Variants in HSF2BP observed in about 807,000 individuals in gnomAD.
HSF2BP encodes heat shock transcription factor 2 binding protein.
HSF2BP carries 35 observed loss-of-function variants against 35.0 expected under a neutral mutation model. That is an observed-to-expected ratio of 1.00 (90% CI 0.76 to 1.32). HSF2BP has a LOEUF of 1.32. HSF2BP is among the 40% of genes most tolerant of loss of function. The pLI is 0.00. For missense variants in HSF2BP, 326 were observed against 321.7 expected (o/e 1.01, Z -0.10); for synonymous variants, 114 against 117.4 (o/e 0.97, Z 0.18).
At chr21:43,642,795 C>CTT (rs869086487) in intron 4 of HSF2BP, among the ~76,000 whole-genome samples, 14 of 92,082 alleles carry the variant, frequency 1.5e-4, no homozygotes, top group South Asian at 3.8e-4. Flanking sequence ...GGCTTCTTTT[C>CTT]TTTTTTTTTT....
intron 4 of HSF2BP, among the ~76,000 whole-genome samples, chr21:43,635,720 T>C (rs906025570): frequency 6.6e-6 from 1 of 151,940 alleles, no homozygotes; most frequent in African/African-American, 2.4e-5. Flanking sequence ...AGTTCAAGAC[T>C]AGCCTGACCA....
chr21:43,584,188 C>A (rs945396599), intron 8 of HSF2BP, among the ~76,000 whole-genome samples: 3 of 151,758 alleles, frequency 2.0e-5, no homozygotes, highest in African/African-American at 7.3e-5. Context: ...GAGATGAGGA[C>A]CTGCTGAGGG....
chr21:43,604,397 C>A (rs2082092588), intron 7 of HSF2BP, among the ~76,000 whole-genome samples: 1 of 132,212 alleles, frequency 7.6e-6, no homozygotes, highest in African/African-American at 2.9e-5. Flanking sequence ...ACCACACACA[C>A]TACACACACA....
chr21:43,654,256 A>G (rs988783973), intron 3 of HSF2BP, among the ~76,000 whole-genome samples: 5 of 152,214 alleles, frequency 3.3e-5, no homozygotes, highest in Admixed American at 2.0e-4. Context: ...AAATTATACA[A>G]GTAAGAAGAT....
At chr21:43,632,161 TCA>T (rs1306327097) in intron 5 of HSF2BP, among the ~76,000 whole-genome samples, 1 of 39,960 alleles carries the variant, frequency 2.5e-5, no homozygotes, top group Admixed American at 3.1e-4. Context: ...TCACACAGTC[TCA>T]CACACACACG....
intron 8 of HSF2BP, among the ~76,000 whole-genome samples, chr21:43,577,297 T>C (rs2081655597): frequency 6.6e-6 from 1 of 152,228 alleles, no homozygotes; most frequent in African/African-American, 2.4e-5. Flanking sequence ...ATTCTGCATA[T>C]CAATAAATCT....
chr21:43,611,628 C>T (rs2082205764), intron 7 of HSF2BP, among the ~76,000 whole-genome samples: 1 of 152,166 alleles, frequency 6.6e-6, no homozygotes, highest in Non-Finnish European at 1.5e-5. Context: ...TCTAGTGAGG[C>T]TCAAGGAGTG....
chr21:43,467,989 C>CT, the HSF2BP span, among the ~76,000 whole-genome samples: 2 of 103,290 alleles, frequency 1.9e-5, no homozygotes, highest in African/African-American at 8.4e-5. Context: ...ACACACCACA[C>CT]CCACACACAC....
chr21:43,573,312 C>T (rs1012981162), intron 8 of HSF2BP, among the ~76,000 whole-genome samples: 8 of 152,178 alleles, frequency 5.3e-5, no homozygotes, highest in East Asian at 1.9e-4. Context: ...GGGCCCATGG[C>T]GGGGTGTTCC....
chr21:43,598,394 T>TTG (rs1219014275), intron 7 of HSF2BP, among the ~76,000 whole-genome samples: 3 of 150,640 alleles, frequency 2.0e-5, no homozygotes, highest in East Asian at 1.9e-4. Context: ...TTTTTGTTTT[T>TTG]TTTTTTTAGT....
intron 8 of HSF2BP, among the ~76,000 whole-genome samples, chr21:43,572,845 T>C (rs1293753613): frequency 3.3e-5 from 5 of 152,262 alleles, no homozygotes; most frequent in African/African-American, 1.2e-4. Context: ...GTTCTTGGTA[T>C]CTTTGACTTT....
intron 3 of HSF2BP, among the ~76,000 whole-genome samples, chr21:43,647,940 A>AC (rs1275489134): frequency 1.2e-3 from 179 of 145,990 alleles, no homozygotes; most frequent in Middle Eastern, 3.5e-3. Flanking sequence ...AAAAAAAAAA[A>AC]AAAAAAAAAA....
At chr21:43,591,787 G>T (rs1011592400) in intron 8 of HSF2BP, among the ~76,000 whole-genome samples, 1 of 152,176 alleles carries the variant, frequency 6.6e-6, no homozygotes, top group Non-Finnish European at 1.5e-5. Flanking sequence ...TGCGTAGCAT[G>T]ATGAAATCTC....
chr21:43,637,666 T>A (rs901340050), intron 4 of HSF2BP, among the ~76,000 whole-genome samples: 3 of 150,312 alleles, frequency 2.0e-5, no homozygotes, highest in Non-Finnish European at 1.5e-5. Context: ...AAAAAAAAAA[T>A]TAGCTGTATG....
intron 6 of HSF2BP, 93 bp from the exon 7 acceptor site, chr21:43,614,040 T>G (rs1294823203): frequency 1.2e-6 from 1 of 869,476 alleles, no homozygotes; most frequent in Non-Finnish European, 1.8e-6. Flanking sequence ...CTAAAAGACC[T>G]AATGAAAACA....
At chr21:43,580,249 T>C (rs1447814675) in intron 8 of HSF2BP, among the ~76,000 whole-genome samples, 2 of 152,216 alleles carry the variant, frequency 1.3e-5, no homozygotes, top group Non-Finnish European at 2.9e-5. Flanking sequence ...AGACTGACCA[T>C]GTCACACACC....
At chr21:43,581,594 C>T (rs972228660) in intron 8 of HSF2BP, among the ~76,000 whole-genome samples, 6 of 152,062 alleles carry the variant, frequency 3.9e-5, no homozygotes, top group African/African-American at 1.4e-4. Flanking sequence ...CTCCAGGTGG[C>T]CAGGAACACG....
intron 3 of HSF2BP, among the ~76,000 whole-genome samples, chr21:43,655,824 GC>G (rs1383691240): frequency 6.6e-6 from 1 of 152,184 alleles, no homozygotes; most frequent in Non-Finnish European, 1.5e-5. Flanking sequence ...GATGTGGCTG[GC>G]CCACTGACCA....
At chr21:43,609,227 C>G (rs2082172453) in intron 7 of HSF2BP, among the ~76,000 whole-genome samples, 1 of 152,000 alleles carries the variant, frequency 6.6e-6, no homozygotes, top group African/African-American at 2.4e-5. Context: ...GGAGCTAAAC[C>G]CTTGGTATAC....
Sources: gnomAD v4.1 joint callset for allele counts (sites outside exome capture counted in the v4.1 genomes callset) on GRCh38, gnomAD v4.1.1 for gene constraint, MANE v1.5 for transcripts, NCBI Gene and HGNC (gene_info 2026-07-23, HGNC 2026-07-21) for gene names.